The following TMEM117 variants were observed in gnomAD, a reference collection of about 807,000 sequenced individuals.
The protein encoded by TMEM117 is transmembrane protein 117.
TMEM117 carries 27 observed loss-of-function variants against 52.4 expected under a neutral mutation model. That is an observed-to-expected ratio of 0.51 (90% CI 0.38 to 0.71). The LOEUF is 0.71. Ranked by LOEUF, TMEM117 falls within the 30% of genes least tolerant of loss-of-function variation. The pLI is 0.00. For missense variants in TMEM117, 556 were observed against 630.5 expected (o/e 0.88, Z 1.26); for synonymous variants, 215 against 206.3 (o/e 1.04, Z -0.36).
intron 6 of TMEM117, among the ~76,000 whole-genome samples, chr12:44,325,688 G>C (rs954405610): frequency 2.6e-5 from 4 of 151,904 alleles, no homozygotes; most frequent in Non-Finnish European, 5.9e-5. Flanking sequence ...AGTTTTATTT[G>C]TTGAGATTGT....
intron 3 of TMEM117, among the ~76,000 whole-genome samples, chr12:44,013,320 C>T (rs2137813805): frequency 6.6e-6 from 1 of 152,308 alleles, no homozygotes; most frequent in South Asian, 2.1e-4. Context: ...AGTCACCGCG[C>T]CCAGTCTAGG....
the TMEM117 span, among the ~76,000 whole-genome samples, chr12:43,813,677 CAAA>C: frequency 2.0e-4 from 31 of 152,104 alleles, 1 homozygote; most frequent in Admixed American, 7.2e-4. Context: ...TCTACACTCT[CAAA>C]GAAGCTCATT....
At chr12:44,215,114 A>G (rs539299764) in intron 5 of TMEM117, among the ~76,000 whole-genome samples, 1 of 152,344 alleles carries the variant, frequency 6.6e-6, no homozygotes, top group Admixed American at 6.5e-5. Flanking sequence ...AAAAAAATGT[A>G]TGGTGGAGAA....
chr12:43,806,281 T>C, the TMEM117 span: 2 of 1,487,944 alleles, frequency 1.3e-6, no homozygotes, highest in Admixed American at 2.2e-5. Flanking sequence ...CGGCGCTGAG[T>C]GCAGCCAGCG....
chr12:44,321,318 C>G (rs548927849), intron 6 of TMEM117, among the ~76,000 whole-genome samples: 16 of 152,132 alleles, frequency 1.1e-4, no homozygotes, highest in Non-Finnish European at 1.9e-4. Context: ...CTTCTGGTAA[C>G]TCTTTTAGTT....
chr12:44,146,765 G>A (rs996519118), intron 4 of TMEM117, among the ~76,000 whole-genome samples: 5 of 152,134 alleles, frequency 3.3e-5, no homozygotes, highest in African/African-American at 1.2e-4. Context: ...GATTCTCATC[G>A]TGAAATGAAT....
At chr12:44,161,050 C>T (rs985630122) in intron 4 of TMEM117, among the ~76,000 whole-genome samples, 1 of 152,108 alleles carries the variant, frequency 6.6e-6, no homozygotes, top group Non-Finnish European at 1.5e-5. Context: ...CACTAATTGG[C>T]TATAATCATG....
At chr12:44,151,500 C>A (rs764130839) in intron 4 of TMEM117, among the ~76,000 whole-genome samples, 1 of 140,756 alleles carries the variant, frequency 7.1e-6, no homozygotes, top group South Asian at 2.5e-4. Flanking sequence ...CTAATGCTAT[C>A]CCTCCGCCCT....
chr12:44,297,584 T>C (rs74084477), intron 5 of TMEM117, among the ~76,000 whole-genome samples: 9,194 of 152,236 alleles, frequency 0.06, 394 homozygotes, highest in African/African-American at 0.12. Context: ...AAAGTGTATA[T>C]ATTTATAGCA....
At chr12:44,307,889 G>A (rs766277172) in intron 6 of TMEM117, among the ~76,000 whole-genome samples, 21 of 152,290 alleles carry the variant, frequency 1.4e-4, no homozygotes, top group East Asian at 1.9e-4. Context: ...GGTTTATCAG[G>A]CAAAAACTTT....
chr12:43,850,457 C>T (rs1157317309), intron 2 of TMEM117, among the ~76,000 whole-genome samples: 1 of 152,190 alleles, frequency 6.6e-6, no homozygotes, highest in African/African-American at 2.4e-5. Context: ...GAAATATTTG[C>T]TGGTTCTCAA....
chr12:43,933,828 T>C (rs1944910168), intron 2 of TMEM117, among the ~76,000 whole-genome samples: 1 of 152,224 alleles, frequency 6.6e-6, no homozygotes. Flanking sequence ...CACAAAGTGC[T>C]GGGATTGCAG....
At chr12:43,988,052 G>A (rs1945877129) in intron 3 of TMEM117, among the ~76,000 whole-genome samples, 1 of 151,676 alleles carries the variant, frequency 6.6e-6, no homozygotes, top group African/African-American at 2.4e-5. Context: ...ATTTCTTTTT[G>A]GTTGAAATGC....
chr12:44,357,166 A>G (rs2138797347), intron 6 of TMEM117, among the ~76,000 whole-genome samples: 1 of 152,264 alleles, frequency 6.6e-6, no homozygotes, highest in East Asian at 1.9e-4. Context: ...AGAGAACAAA[A>G]TCACCTTCTC....
chr12:44,218,612 A>C (rs1442269129), intron 5 of TMEM117, among the ~76,000 whole-genome samples: 1 of 152,204 alleles, frequency 6.6e-6, no homozygotes, highest in Non-Finnish European at 1.5e-5. Flanking sequence ...ACATAGTACT[A>C]GAAGTCTTAG....
chr12:44,235,564 A>G (rs536163937), intron 5 of TMEM117, among the ~76,000 whole-genome samples: 1 of 151,882 alleles, frequency 6.6e-6, no homozygotes, highest in African/African-American at 2.4e-5. Flanking sequence ...CTCTGCTTTA[A>G]TATAAGAATT....
At chr12:44,107,543 G>A (rs575975582) in intron 3 of TMEM117, among the ~76,000 whole-genome samples, 5 of 152,092 alleles carry the variant, frequency 3.3e-5, no homozygotes, top group Admixed American at 6.6e-5. Flanking sequence ...GAGTTGACAT[G>A]GAGATAGGAA....
chr12:43,874,465 C>T (rs1943758841), intron 2 of TMEM117, among the ~76,000 whole-genome samples: 1 of 151,824 alleles, frequency 6.6e-6, no homozygotes, highest in African/African-American at 2.4e-5. Context: ...GTGGCAGGCA[C>T]CTGTAATCCC....
chr12:43,804,651 A>C, the TMEM117 span: 8 of 954,374 alleles, frequency 8.4e-6, no homozygotes, highest in South Asian at 6.7e-5. Flanking sequence ...AAAGTTAATT[A>C]GAATACAAAG....
Sources: gnomAD v4.1 joint callset for allele counts (sites outside exome capture counted in the v4.1 genomes callset) on GRCh38, gnomAD v4.1.1 for gene constraint, MANE v1.5 for transcripts, NCBI Gene and HGNC (gene_info 2026-07-23, HGNC 2026-07-21) for gene names.